CTNNA2: variants seen among roughly 807,000 people sequenced by gnomAD.
The protein encoded by CTNNA2 is catenin alpha 2.
Under a neutral mutation model 101.0 loss-of-function variants are expected in CTNNA2, and 42 were observed. That is an observed-to-expected ratio of 0.42 (90% confidence interval 0.32 to 0.54). The LOEUF (loss-of-function observed/expected upper bound fraction) is 0.54. Among genes scored for constraint, CTNNA2 ranks in the 20% least tolerant of loss-of-function variants. CTNNA2 has a pLI of 0.14. For missense variants in CTNNA2, 871 were observed against 1,223.1 expected (o/e 0.71, Z 4.29); for synonymous variants, 450 against 456.4 (o/e 0.99, Z 0.18).
At chr2:79,635,403 G>C (rs917742442) in intron 1 of CTNNA2, among the ~76,000 whole-genome samples, 2 of 151,862 alleles carry the variant, frequency 1.3e-5, no homozygotes, top group African/African-American at 4.8e-5. Flanking sequence ...CTGCACTCCA[G>C]CCTGGGTGGC....
intron 11 of CTNNA2, among the ~76,000 whole-genome samples, chr2:80,546,812 C>T (rs1441230656): frequency 6.6e-6 from 1 of 152,180 alleles, no homozygotes; most frequent in African/African-American, 2.4e-5. Context: ...TGGCCCAGTT[C>T]ACCTGGAAGA....
intron 3 of CTNNA2, among the ~76,000 whole-genome samples, chr2:79,812,451 A>G (rs1677121279): frequency 6.6e-6 from 1 of 152,212 alleles, no homozygotes; most frequent in East Asian, 1.9e-4. Flanking sequence ...GATGTTAAAT[A>G]TTTTTCAGCG....
chr2:80,323,882 T>C (rs1293793788), intron 7 of CTNNA2, among the ~76,000 whole-genome samples: 2 of 152,130 alleles, frequency 1.3e-5, no homozygotes, highest in Non-Finnish European at 2.9e-5. Flanking sequence ...TTTCTAGAGT[T>C]CAGTATGAAA....
At chr2:79,714,806 GCT>G in intron 2 of CTNNA2, among the ~76,000 whole-genome samples, 1 of 152,008 alleles carries the variant, frequency 6.6e-6, no homozygotes, top group East Asian at 1.9e-4. Flanking sequence ...ATTAATTACA[GCT>G]CTGTTTTTTG....
chr2:79,916,866 G>A (rs1458132337), intron 7 of CTNNA2, among the ~76,000 whole-genome samples: 1 of 151,854 alleles, frequency 6.6e-6, no homozygotes, highest in Non-Finnish European at 1.5e-5. Flanking sequence ...CTAGTGATCC[G>A]CCCAACTTGG....
chr2:79,690,109 C>T (rs927225755), intron 2 of CTNNA2, among the ~76,000 whole-genome samples: 5 of 151,882 alleles, frequency 3.3e-5, no homozygotes, highest in African/African-American at 1.2e-4. Flanking sequence ...ATTCTAGGCA[C>T]TGCAAGAAAA....
At chr2:79,770,064 G>A (rs560719031) in intron 3 of CTNNA2, among the ~76,000 whole-genome samples, 71 of 152,100 alleles carry the variant, frequency 4.7e-4, no homozygotes, top group Non-Finnish European at 8.8e-4. Flanking sequence ...TCCCTCCAGG[G>A]GACATTTGAC....
At chr2:80,483,508 C>A (rs762116368) in intron 9 of CTNNA2, among the ~76,000 whole-genome samples, 1 of 151,942 alleles carries the variant, frequency 6.6e-6, no homozygotes, top group Non-Finnish European at 1.5e-5. Flanking sequence ...CTCATTCAAT[C>A]CTACTATGTA....
At chr2:80,080,859 T>G (rs905733081) in intron 7 of CTNNA2, among the ~76,000 whole-genome samples, 1 of 148,686 alleles carries the variant, frequency 6.7e-6, no homozygotes, top group African/African-American at 2.5e-5. Context: ...TGTATTATAA[T>G]TAAAATCTCC....
chr2:79,508,058 C>T (rs907713718), upstream of CTNNA2, among the ~76,000 whole-genome samples: 4 of 152,164 alleles, frequency 2.6e-5, no homozygotes, highest in South Asian at 2.1e-4. Context: ...TTCTCCTCTT[C>T]CTGCATAAGG....
At chr2:79,648,246 C>G (rs1026880428) in intron 1 of CTNNA2, among the ~76,000 whole-genome samples, 3 of 152,144 alleles carry the variant, frequency 2.0e-5, no homozygotes, top group Non-Finnish European at 4.4e-5. Context: ...ACCAAATCAT[C>G]AATTCATATT....
intron 7 of CTNNA2, among the ~76,000 whole-genome samples, chr2:79,982,519 A>G (rs902717314): frequency 1.3e-5 from 2 of 150,864 alleles, no homozygotes; most frequent in Admixed American, 6.7e-5. Context: ...ACACACACAC[A>G]TATATATATT....
intron 1 of CTNNA2, chr2:79,575,345 C>A (rs2103855133): frequency 6.6e-6 from 1 of 152,332 alleles, no homozygotes; most frequent in South Asian, 2.1e-4. Context: ...TCCACCATTT[C>A]CTGGTTCCCT....
chr2:80,358,404 G>A (rs1316568573), intron 7 of CTNNA2, among the ~76,000 whole-genome samples: 3 of 141,644 alleles, frequency 2.1e-5, no homozygotes, highest in Non-Finnish European at 4.5e-5. Context: ...AGGCTGGAGT[G>A]CAATGGCGCA....
At chr2:79,987,132 CA>C (rs1558702766) in intron 7 of CTNNA2, among the ~76,000 whole-genome samples, 2 of 152,154 alleles carry the variant, frequency 1.3e-5, no homozygotes. Context: ...TTCAAGTCCA[CA>C]ATTCTCCAGG....
intron 3 of CTNNA2, among the ~76,000 whole-genome samples, chr2:79,827,712 A>C (rs1678555667): frequency 6.6e-6 from 1 of 152,200 alleles, no homozygotes; most frequent in African/African-American, 2.4e-5. Context: ...ATTGGGCACA[A>C]ATATATGGTT....
chr2:79,899,872 T>C (rs1684965362), intron 6 of CTNNA2, among the ~76,000 whole-genome samples: 1 of 152,186 alleles, frequency 6.6e-6, no homozygotes, highest in Non-Finnish European at 1.5e-5. Flanking sequence ...TTCCTAGTGC[T>C]ACCCCAATTA....
chr2:79,624,221 AAG>A (rs1171586217), intron 1 of CTNNA2, among the ~76,000 whole-genome samples: 2 of 152,200 alleles, frequency 1.3e-5, no homozygotes, highest in Non-Finnish European at 1.5e-5. Flanking sequence ...AGAATCAAGA[AAG>A]AGATTGGGGA....
At chr2:80,045,761 C>G (rs143512181) in intron 7 of CTNNA2, among the ~76,000 whole-genome samples, 8 of 152,038 alleles carry the variant, frequency 5.3e-5, no homozygotes, top group African/African-American at 1.9e-4. Flanking sequence ...CCATCAGGAT[C>G]GAGGGCTTAG....
Sources: gnomAD v4.1 joint callset for allele counts (sites outside exome capture counted in the v4.1 genomes callset) on GRCh38, gnomAD v4.1.1 for gene constraint, MANE v1.5 for transcripts, NCBI Gene and HGNC (gene_info 2026-07-23, HGNC 2026-07-21) for gene names.